Variants in CDH13 observed in about 807,000 individuals in gnomAD.
CDH13 encodes cadherin-13.
In CDH13, 24 loss-of-function variants were observed where a neutral mutation model predicts 63.8. The ratio of observed to expected loss-of-function variants is 0.38; its 90% CI spans 0.27 to 0.53. The LOEUF (loss-of-function observed/expected upper bound fraction) is 0.53, where lower values mean the gene tolerates loss of function less well. Among genes scored for constraint, CDH13 ranks in the 20% least tolerant of loss-of-function variants. CDH13 has a pLI of 0.85. For missense variants in CDH13, 1,049 were observed against 903.1 expected (o/e 1.16, Z -2.07); for synonymous variants, 503 against 355.3 (o/e 1.42, Z -4.67).
chr16:83,111,509 G>A (rs964913317), intron 3 of CDH13, among the ~76,000 whole-genome samples: 1 of 152,216 alleles, frequency 6.6e-6, no homozygotes, highest in Non-Finnish European at 1.5e-5. Flanking sequence ...TCATGAGGTT[G>A]CAGCATACAT....
chr16:83,510,601 C>T (rs1408376578), intron 7 of CDH13, among the ~76,000 whole-genome samples: 1 of 152,156 alleles, frequency 6.6e-6, no homozygotes, highest in African/African-American at 2.4e-5. Context: ...GAAATCCTAC[C>T]TGGAATCTAC....
At chr16:83,490,098 T>C (rs1012119557) in intron 7 of CDH13, among the ~76,000 whole-genome samples, 2 of 151,732 alleles carry the variant, frequency 1.3e-5, no homozygotes, top group Non-Finnish European at 2.9e-5. Context: ...AAAGCAAACG[T>C]GTGTTTCCTG....
At chr16:82,857,557 C>T (rs17740830) in intron 1 of CDH13, among the ~76,000 whole-genome samples, 16,255 of 152,206 alleles carry the variant, frequency 0.11, 925 homozygotes, top group Admixed American at 0.18. Context: ...TTCCAAATCA[C>T]GTAACCTAAA....
chr16:83,232,902 T>C (rs2040044535), intron 5 of CDH13, among the ~76,000 whole-genome samples: 1 of 152,212 alleles, frequency 6.6e-6, no homozygotes, highest in African/African-American at 2.4e-5. Flanking sequence ...AGGAAGCTTA[T>C]AAGTTTCCCC....
chr16:83,102,953 T>C (rs1158601166), intron 3 of CDH13, among the ~76,000 whole-genome samples: 8 of 116,828 alleles, frequency 6.8e-5, no homozygotes, highest in Non-Finnish European at 1.1e-4. Flanking sequence ...TTTTTCTTTT[T>C]TTTTTTTTTT....
chr16:82,944,532 G>C (rs1002449633), intron 2 of CDH13, among the ~76,000 whole-genome samples: 1 of 152,124 alleles, frequency 6.6e-6, no homozygotes, highest in South Asian at 2.1e-4. Context: ...ATTTTTTGTT[G>C]TGACAGTGTG....
chr16:83,766,851 G>T (rs1455866267), intron 11 of CDH13, among the ~76,000 whole-genome samples: 2 of 152,066 alleles, frequency 1.3e-5, no homozygotes, highest in East Asian at 1.9e-4. Context: ...TAATGAGTGA[G>T]TCTCACAAGA....
At chr16:83,387,308 G>C (rs570946106) in intron 6 of CDH13, among the ~76,000 whole-genome samples, 3 of 152,158 alleles carry the variant, frequency 2.0e-5, no homozygotes, top group East Asian at 1.9e-4. Flanking sequence ...ATGTGAACTG[G>C]AAAGTTCTTA....
At chr16:83,387,774 A>T (rs1186557452) in intron 6 of CDH13, among the ~76,000 whole-genome samples, 1 of 152,122 alleles carries the variant, frequency 6.6e-6, no homozygotes, top group East Asian at 1.9e-4. Flanking sequence ...CCATCTTAGG[A>T]TGCCACTGGC....
chr16:82,777,354 A>G (rs934997465), intron 1 of CDH13, among the ~76,000 whole-genome samples: 6 of 152,220 alleles, frequency 3.9e-5, no homozygotes, highest in South Asian at 2.1e-4. Flanking sequence ...TGAATATGCT[A>G]TAGAAAACTA....
chr16:83,195,744 A>T (rs1333217968), intron 4 of CDH13, among the ~76,000 whole-genome samples: 1 of 152,208 alleles, frequency 6.6e-6, no homozygotes, highest in Admixed American at 6.5e-5. Context: ...AGTCATCAAG[A>T]TAGCATGATA....
intron 1 of CDH13, among the ~76,000 whole-genome samples, chr16:82,697,614 G>C (rs748649844): frequency 3.3e-5 from 5 of 151,480 alleles, no homozygotes; most frequent in Non-Finnish European, 7.4e-5. Context: ...GTTTTTAGTA[G>C]AGACGGGATT....
At chr16:83,265,781 C>T (rs898430381) in intron 5 of CDH13, among the ~76,000 whole-genome samples, 3 of 87,736 alleles carry the variant, frequency 3.4e-5, no homozygotes, top group African/African-American at 9.3e-5. Flanking sequence ...AAGGGTTGTT[C>T]ACATTCTTTG....
chr16:83,735,408 A>C (rs1911449339), intron 10 of CDH13: 1 of 152,110 alleles, frequency 6.6e-6, no homozygotes, highest in Non-Finnish European at 1.5e-5. Flanking sequence ...GGATTTACTT[A>C]TGATTCCTTT....
intron 5 of CDH13, among the ~76,000 whole-genome samples, chr16:83,344,396 G>A (rs1407376903): frequency 1.3e-5 from 2 of 152,156 alleles, no homozygotes; most frequent in East Asian, 1.9e-4. Flanking sequence ...CCTGAGGAAA[G>A]CCCCCAACAA....
At chr16:83,768,911 G>T in intron 11 of CDH13, among the ~76,000 whole-genome samples, 1 of 152,120 alleles carries the variant, frequency 6.6e-6, no homozygotes, top group East Asian at 1.9e-4. Context: ...ATCTCATCCT[G>T]TGACTTAGAA....
chr16:83,423,548 C>G (rs1299570868), intron 6 of CDH13, among the ~76,000 whole-genome samples: 1 of 151,594 alleles, frequency 6.6e-6, no homozygotes, highest in Non-Finnish European at 1.5e-5. Context: ...TTCTAAAAGT[C>G]TGAAATAAAA....
intron 1 of CDH13, among the ~76,000 whole-genome samples, chr16:82,803,425 A>G (rs970112748): frequency 1.3e-5 from 2 of 152,146 alleles, no homozygotes; most frequent in East Asian, 1.9e-4. Context: ...TCAAATGACA[A>G]TGATTATTTA....
intron 1 of CDH13, among the ~76,000 whole-genome samples, chr16:82,734,967 G>T (rs924146170): frequency 6.6e-6 from 1 of 152,170 alleles, no homozygotes; most frequent in Non-Finnish European, 1.5e-5. Context: ...AGGATGTAGG[G>T]AGTAACAGCT....
Sources: gnomAD v4.1 joint callset for allele counts (sites outside exome capture counted in the v4.1 genomes callset) on GRCh38, gnomAD v4.1.1 for gene constraint, MANE v1.5 for transcripts, NCBI Gene and HGNC (gene_info 2026-07-23, HGNC 2026-07-21) for gene names.